DTNA: variants seen among roughly 807,000 people sequenced by gnomAD.
DTNA encodes dystrobrevin alpha.
Under a neutral mutation model 100.7 loss-of-function variants are expected in DTNA, and 43 were observed. The ratio of observed to expected loss-of-function variants is 0.43; its 90% CI spans 0.33 to 0.55. The LOEUF (loss-of-function observed/expected upper bound fraction) is 0.55, where lower values mean the gene tolerates loss of function less well. Ranked by LOEUF, DTNA falls within the 20% of genes least tolerant of loss-of-function variation. The pLI is 0.04. For missense variants in DTNA, 798 were observed against 953.9 expected, an observed-to-expected ratio of 0.84 and a Z score of 2.15; for synonymous variants, 349 against 347.9, an observed-to-expected ratio of 1.00 and a Z score of -0.04.
intron 1 of DTNA, among the ~76,000 whole-genome samples, chr18:34,687,232 T>A (rs2079031229): frequency 6.6e-6 from 1 of 152,194 alleles, no homozygotes; most frequent in Non-Finnish European, 1.5e-5. Context: ...AATTGTGATG[T>A]TAAGGTGTCA....
chr18:34,817,494 C>T (rs1363760768), intron 7 of DTNA, among the ~76,000 whole-genome samples: 1 of 151,800 alleles, frequency 6.6e-6, no homozygotes, highest in Non-Finnish European at 1.5e-5. Context: ...GAAAGTTAAC[C>T]GTCTCTTGAG....
intron 1 of DTNA, among the ~76,000 whole-genome samples, chr18:34,712,992 A>C (rs1422430748): frequency 1.3e-5 from 2 of 152,184 alleles, no homozygotes; most frequent in Non-Finnish European, 2.9e-5. Context: ...ACTCAATATC[A>C]TCTAGATACT....
At chr18:34,497,684 TA>T (rs1178125574) in intron 1 of DTNA, among the ~76,000 whole-genome samples, 4,022 of 144,606 alleles carry the variant, frequency 0.028, 161 homozygotes, top group African/African-American at 0.086. Context: ...TTCCATTGTT[TA>T]AAAAAAAAAA....
At chr18:34,637,355 A>T (rs2058774327) in intron 1 of DTNA, among the ~76,000 whole-genome samples, 1 of 152,174 alleles carries the variant, frequency 6.6e-6, no homozygotes, top group Non-Finnish European at 1.5e-5. Flanking sequence ...GTGTAAAGCC[A>T]CTGTTGCTGC....
At chr18:34,757,494 T>C (rs2092860240) in intron 2 of DTNA, among the ~76,000 whole-genome samples, 1 of 152,192 alleles carries the variant, frequency 6.6e-6, no homozygotes, top group Non-Finnish European at 1.5e-5. Flanking sequence ...ATTATAACAC[T>C]AAAGACTGTA....
intron 3 of DTNA, among the ~76,000 whole-genome samples, chr18:34,791,220 C>G (rs2094725394): frequency 1.3e-5 from 2 of 152,170 alleles, no homozygotes; most frequent in South Asian, 4.1e-4. Flanking sequence ...AGATTCCCTC[C>G]CTTTGCCAAC....
chr18:34,576,818 C>T (rs987881062), intron 1 of DTNA, among the ~76,000 whole-genome samples: 1 of 152,142 alleles, frequency 6.6e-6, no homozygotes, highest in Admixed American at 6.5e-5. Context: ...TTATGACTCA[C>T]TCCACCTAGA....
chr18:34,567,683 A>T (rs1215430090), intron 1 of DTNA, among the ~76,000 whole-genome samples: 1 of 151,904 alleles, frequency 6.6e-6, no homozygotes, highest in Non-Finnish European at 1.5e-5. Context: ...TATAGATCTT[A>T]AAAAAAAATT....
chr18:34,570,197 G>A (rs1171013016), intron 1 of DTNA, among the ~76,000 whole-genome samples: 1 of 152,154 alleles, frequency 6.6e-6, no homozygotes, highest in Non-Finnish European at 1.5e-5. Flanking sequence ...CTAAGCCACT[G>A]AGTATAGTCA....
At chr18:34,748,255 GT>G (rs2091903124) in intron 1 of DTNA, among the ~76,000 whole-genome samples, 1 of 152,082 alleles carries the variant, frequency 6.6e-6, no homozygotes. Context: ...CACTATATGG[GT>G]TTTCTGTTTA....
chr18:34,845,548 G>A (rs138455505), intron 13 of DTNA, among the ~76,000 whole-genome samples: 2 of 152,150 alleles, frequency 1.3e-5, no homozygotes, highest in African/African-American at 4.8e-5. Flanking sequence ...CCTGGGCCTG[G>A]AGCAATGGGG....
intron 1 of DTNA, among the ~76,000 whole-genome samples, chr18:34,713,609 G>A (rs566244459): frequency 5.8e-4 from 88 of 151,520 alleles, no homozygotes; most frequent in African/African-American, 1.8e-3. Flanking sequence ...TTGACTTGGC[G>A]ATGCGGGCTC....
At chr18:34,657,674 A>G (rs1159279013) in intron 1 of DTNA, among the ~76,000 whole-genome samples, 1 of 152,232 alleles carries the variant, frequency 6.6e-6, no homozygotes, top group Non-Finnish European at 1.5e-5. Flanking sequence ...ACTACTAAAC[A>G]GAGATTTTAG....
chr18:34,610,762 G>C (rs2054062867), intron 1 of DTNA, among the ~76,000 whole-genome samples: 2 of 152,126 alleles, frequency 1.3e-5, no homozygotes, highest in South Asian at 4.1e-4. Flanking sequence ...CTTCAGCATA[G>C]CTTATTTAAC....
chr18:34,862,259 A>G (rs1301057833), intron 16 of DTNA, among the ~76,000 whole-genome samples: 1 of 151,986 alleles, frequency 6.6e-6, no homozygotes, highest in Non-Finnish European at 1.5e-5. Context: ...ATAAGATACC[A>G]TTAAAGCATA....
chr18:34,640,813 T>A (rs540056573), intron 1 of DTNA, among the ~76,000 whole-genome samples: 1 of 152,348 alleles, frequency 6.6e-6, no homozygotes, highest in South Asian at 2.1e-4. Flanking sequence ...ATTTTCATGT[T>A]AAAGTTTAAA....
At chr18:34,522,641 C>A (rs899468795) in intron 1 of DTNA, among the ~76,000 whole-genome samples, 4 of 152,122 alleles carry the variant, frequency 2.6e-5, no homozygotes, top group Admixed American at 2.6e-4. Context: ...TTTATTCATG[C>A]TAGGAGCATT....
intron 11 of DTNA, among the ~76,000 whole-genome samples, chr18:34,832,104 A>C (rs1568689753): frequency 6.6e-6 from 1 of 152,206 alleles, no homozygotes; most frequent in Non-Finnish European, 1.5e-5. Context: ...AATTTTGGAT[A>C]CTGATTGTAG....
At chr18:34,530,489 C>T (rs2043033374) in intron 1 of DTNA, among the ~76,000 whole-genome samples, 1 of 152,018 alleles carries the variant, frequency 6.6e-6, no homozygotes, top group Admixed American at 6.6e-5. Context: ...CTCACAAATA[C>T]TTGTCTTTTT....
Sources: gnomAD v4.1 joint callset for allele counts (sites outside exome capture counted in the v4.1 genomes callset) on GRCh38, gnomAD v4.1.1 for gene constraint, MANE v1.5 for transcripts, NCBI Gene and HGNC (gene_info 2026-07-23, HGNC 2026-07-21) for gene names.